DNMBP: variants seen among roughly 807,000 people sequenced by gnomAD.
DNMBP encodes dynamin-binding protein.
Under a neutral mutation model 150.0 loss-of-function variants are expected in DNMBP, and 87 were observed. The ratio of observed to expected loss-of-function variants is 0.58; its 90% confidence interval spans 0.49 to 0.69. DNMBP has a LOEUF of 0.69. DNMBP is among the 30% of genes least tolerant of loss of function. The pLI, the probability that DNMBP is intolerant of heterozygous loss-of-function variation, is 0.00. For missense variants in DNMBP, 1,774 were observed against 1,949.0 expected, an observed-to-expected ratio of 0.91 and a Z score of 1.69; for synonymous variants, 711 against 750.4, an observed-to-expected ratio of 0.95 and a Z score of 0.86.
chr10:99,980,253 T>A (rs192611435), intron 1 of DNMBP, among the ~76,000 whole-genome samples: 1 of 152,186 alleles, frequency 6.6e-6, no homozygotes, highest in African/African-American at 2.4e-5. Context: ...AAGACAAGCC[T>A]GGCCAACGTG....
At chr10:99,905,441 T>C (rs534990087) in intron 6 of DNMBP, among the ~76,000 whole-genome samples, 135 of 152,294 alleles carry the variant, frequency 8.9e-4, no homozygotes, top group African/African-American at 3.2e-3. Flanking sequence ...CACTGTAAAA[T>C]AGGATAGAGT....
chr10:99,998,362 G>C (rs1337447853), intron 1 of DNMBP, among the ~76,000 whole-genome samples: 2 of 152,098 alleles, frequency 1.3e-5, no homozygotes, highest in Non-Finnish European at 2.9e-5. Context: ...TGGATTGCCT[G>C]AGCTCAGGAG....
At chr10:99,958,630 GGGCT>G (rs2040526037) in intron 3 of DNMBP, among the ~76,000 whole-genome samples, 1 of 152,182 alleles carries the variant, frequency 6.6e-6, no homozygotes, top group African/African-American at 2.4e-5. Flanking sequence ...CTACTACCAT[GGGCT>G]TGGCAGCTTT....
At chr10:99,924,353 G>A (rs2040055517) in intron 4 of DNMBP, among the ~76,000 whole-genome samples, 1 of 152,174 alleles carries the variant, frequency 6.6e-6, no homozygotes, top group Non-Finnish European at 1.5e-5. Context: ...TGAGGCAGGA[G>A]AATGGCATGG....
At chr10:99,969,331 T>A (rs1381374466) in intron 2 of DNMBP, 94 bp from the exon 3 acceptor site, 1 of 1,327,300 alleles carries the variant, frequency 7.5e-7, no homozygotes, top group Non-Finnish European at 1.0e-6. Flanking sequence ...AGTCCATGTA[T>A]AGACCGTAAC....
At chr10:99,938,738 G>A (rs6584334) in intron 4 of DNMBP, among the ~76,000 whole-genome samples, 60,113 of 151,976 alleles carry the variant, frequency 0.4, 12,276 homozygotes, top group African/African-American at 0.49. Context: ...AGCTGTGAAT[G>A]GGTTGCCATT....
At chr10:99,918,407 C>T (rs944857863) in intron 4 of DNMBP, among the ~76,000 whole-genome samples, 12 of 152,134 alleles carry the variant, frequency 7.9e-5, no homozygotes, top group East Asian at 3.9e-4. Flanking sequence ...TCTGTAATGT[C>T]GGTCTATTTT....
chr10:99,942,738 C>T (rs1347744311), intron 4 of DNMBP, among the ~76,000 whole-genome samples: 1 of 152,162 alleles, frequency 6.6e-6, no homozygotes, highest in Admixed American at 6.5e-5. Flanking sequence ...GACATACATT[C>T]AACCATCCAT....
At chr10:99,966,390 T>A (rs1336039248) in intron 3 of DNMBP, among the ~76,000 whole-genome samples, 1 of 152,232 alleles carries the variant, frequency 6.6e-6, no homozygotes, top group African/African-American at 2.4e-5. Flanking sequence ...GGTTAAAAGG[T>A]AGTCAAGATA....
At chr10:99,879,146 G>A (rs1382200653) in intron 16 of DNMBP, among the ~76,000 whole-genome samples, 1 of 147,260 alleles carries the variant, frequency 6.8e-6, no homozygotes, top group African/African-American at 2.5e-5. Flanking sequence ...ACTCATAAAC[G>A]GGAACAGGCC....
chr10:99,891,710 T>C (rs867512072), intron 11 of DNMBP, among the ~76,000 whole-genome samples: 13,599 of 141,592 alleles, frequency 0.096, 1,200 homozygotes, highest in African/African-American at 0.24. Context: ...CCGGCCGCCA[T>C]CCCACCTGGG....
Position 99,907,167 on chromosome 10 carries a change from A to C in DNMBP, c.2554+828T>G, listed in dbSNP as rs560321242. Among the ~76,000 whole-genome samples the C allele has an allele frequency of 2.6e-5, 4 of 151,988 alleles. No individual in the cohort carries two copies. In the East Asian group the frequency reaches 7.9e-4, roughly 30 times the overall value. ...CAAAACTCCATCTCTACAAAAAAAA[A>C]ATTACAAAAATTAGCTGGGCGTGGT... On this transcript the variant is annotated intron_variant, in intron 6 of 16. Transcript: ENST00000324109.
chr10:99,970,451 T>C (rs1284525561), intron 2 of DNMBP, among the ~76,000 whole-genome samples: 1 of 152,098 alleles, frequency 6.6e-6, no homozygotes, highest in African/African-American at 2.4e-5. Flanking sequence ...GTAGGTACCA[T>C]GTAGGGTAAG....
rs1018793002 is a variant in DNMBP at position 99,897,047 on chromosome 10, C to T, written c.2921-650G>A. Among the ~76,000 whole-genome samples the T allele has an allele frequency of 1.3e-5, 2 of 152,108 alleles. 1 individual carries two copies. Among genetic ancestry groups the T allele is most frequent in the Admixed American group, 1.3e-4 (2 of 15,264 alleles). ...CCACAGTCAACATCCCATCCTAATG[C>T]GGGTGACACAGTTGAAGTAGAAGGC... On this transcript the variant is annotated intron_variant, in intron 9 of 16. Coordinates refer to ENST00000324109, the MANE Select transcript of DNMBP (RefSeq NM_015221.4).
intron 4 of DNMBP, among the ~76,000 whole-genome samples, chr10:99,917,737 G>A (rs1199497984): frequency 1.3e-5 from 2 of 151,828 alleles, no homozygotes; most frequent in African/African-American, 2.4e-5. Flanking sequence ...AGGCCGAGGC[G>A]GGTGGATCAC....
intron 11 of DNMBP, among the ~76,000 whole-genome samples, chr10:99,892,160 A>G (rs373499691): frequency 0.021 from 1,765 of 83,460 alleles, 61 homozygotes; most frequent in African/African-American, 0.066. Flanking sequence ...CGCCCCGTCC[A>G]GGAGGGAGGT....
rs535741944 is a variant in DNMBP, at chr10:99,950,198, G to A, written c.2260+5016C>T. ...TCCCGCACAAGCTCTCTCTTTGCCA[G>A]CTGCCATCCACGTAAGATGTGACTT... On this transcript the variant is annotated intron_variant, in intron 4 of 16. Coordinates refer to ENST00000324109, the MANE Select transcript of DNMBP (RefSeq NM_015221.4). Among the ~76,000 whole-genome samples, 5 of 152,314 alleles carry A rather than the reference G, an allele frequency of 3.3e-5. No individual in the cohort carries two copies. In the South Asian group the frequency reaches 1.0e-3, roughly 32 times the overall value.
chr10:99,970,381 G>T (rs930639722), intron 2 of DNMBP, among the ~76,000 whole-genome samples: 1 of 152,126 alleles, frequency 6.6e-6, no homozygotes, highest in African/African-American at 2.4e-5. Context: ...GAAAGAAATC[G>T]ATGTGAACAT....
intron 1 of DNMBP, among the ~76,000 whole-genome samples, chr10:100,007,313 A>G (rs2041084720): frequency 6.6e-6 from 1 of 152,186 alleles, no homozygotes; most frequent in Non-Finnish European, 1.5e-5. Context: ...TGTCTGTTCC[A>G]CGAGGGCTTA....
Sources: allele counts gnomAD v4.1 joint callset (sites outside exome capture counted in the v4.1 genomes callset), GRCh38; gene constraint gnomAD v4.1.1; transcripts MANE v1.5; gene names NCBI Gene and HGNC (gene_info 2026-07-23, HGNC 2026-07-21).